The following PRKN variants were observed in gnomAD, a reference collection of about 807,000 sequenced individuals.
PRKN encodes parkin RBR E3 ubiquitin protein ligase, also known as E3 ubiquitin-protein ligase parkin.
PRKN carries 56 observed loss-of-function variants against 59.5 expected under a neutral mutation model. The observed-to-expected ratio is 0.94, with a 90% confidence interval of 0.76 to 1.18. The LOEUF (loss-of-function observed/expected upper bound fraction) is 1.18, where lower values mean the gene tolerates loss of function less well. Among genes scored for constraint, PRKN ranks in the 50% most tolerant of loss-of-function variants. The probability of loss-of-function intolerance (pLI) is 0.00; values close to 1 mark genes in which losing one functional copy is unlikely to be tolerated. For synonymous variants in PRKN, 250 were observed against 222.1 expected (o/e 1.13, Z -1.12); for missense variants, 657 against 596.4 (o/e 1.10, Z -1.06).
chr6:162,236,731 G>T (rs982205220), intron 3 of PRKN, among the ~76,000 whole-genome samples: 1 of 151,998 alleles, frequency 6.6e-6, no homozygotes, highest in Non-Finnish European at 1.5e-5. Flanking sequence ...GGACGCAGAG[G>T]TTGCAGTGAG....
At chr6:162,289,646 G>T (rs908731310) in intron 2 of PRKN, among the ~76,000 whole-genome samples, 2 of 150,322 alleles carry the variant, frequency 1.3e-5, no homozygotes, top group East Asian at 4.0e-4. Context: ...GCAGTGAGCC[G>T]AGATAACTCT....
intron 9 of PRKN, among the ~76,000 whole-genome samples, chr6:161,415,361 G>A (rs1787790908): frequency 6.6e-6 from 1 of 151,284 alleles, no homozygotes. Context: ...GTCAAATCTA[G>A]ATTTGAACAA....
chr6:161,806,842 T>G (rs187948386), intron 6 of PRKN, among the ~76,000 whole-genome samples: 2 of 152,284 alleles, frequency 1.3e-5, no homozygotes, highest in East Asian at 3.9e-4. Context: ...GAGAAATGTT[T>G]GATATTAAGC....
At chr6:161,845,785 TAA>T (rs1201719508) in intron 6 of PRKN, among the ~76,000 whole-genome samples, 1 of 152,134 alleles carries the variant, frequency 6.6e-6, no homozygotes, top group Admixed American at 6.6e-5. Flanking sequence ...GGGACATTTG[TAA>T]AAGAGACCCA....
At chr6:162,148,619 G>A (rs2128313036) in intron 4 of PRKN, among the ~76,000 whole-genome samples, 1 of 103,966 alleles carries the variant, frequency 9.6e-6, no homozygotes, top group South Asian at 3.4e-4. Context: ...CAAACAAACA[G>A]TGACCACATA....
At chr6:161,523,848 C>G (rs1011150976) in intron 9 of PRKN, among the ~76,000 whole-genome samples, 1 of 152,034 alleles carries the variant, frequency 6.6e-6, no homozygotes, top group South Asian at 2.1e-4. Context: ...AACACAGAAG[C>G]AAACCATTTT....
intron 1 of PRKN, among the ~76,000 whole-genome samples, chr6:162,617,166 C>A (rs147711247): frequency 3.2e-4 from 48 of 152,198 alleles, no homozygotes; most frequent in African/African-American, 1.1e-3. Flanking sequence ...ACCCTACTTA[C>A]CATTTTTTGT....
In PRKN at chr6:162,113,832, G is replaced by C. The variant is rs566326552; in HGVS notation, c.535-59658C>G. ...AGTAATGCCTAGGTTTTCTTCTAGG[G>C]TTTTTATGGTTTTAGGTCTAACGTT... On this transcript the variant is annotated intron_variant, in intron 4 of 11. Transcript: ENST00000366898. Among the ~76,000 whole-genome samples, 7 of 152,194 alleles carry C rather than the reference G, an allele frequency of 4.6e-5. No homozygotes were observed. In the South Asian group the frequency reaches 1.5e-3, roughly 32 times the overall value.
intron 9 of PRKN, among the ~76,000 whole-genome samples, chr6:161,522,193 T>C (rs1392850310): frequency 6.6e-6 from 1 of 152,152 alleles, no homozygotes; most frequent in Admixed American, 6.5e-5. Flanking sequence ...AATCCATTAA[T>C]AAAGTGTTTG....
At chr6:161,522,028 G>C (rs1778845379) in intron 9 of PRKN, among the ~76,000 whole-genome samples, 1 of 152,132 alleles carries the variant, frequency 6.6e-6, no homozygotes, top group African/African-American at 2.4e-5. Flanking sequence ...GGCTGGGAGG[G>C]GTGGCAGAAC....
intron 7 of PRKN, among the ~76,000 whole-genome samples, chr6:161,723,851 T>A (rs547202611): frequency 2.5e-4 from 38 of 152,234 alleles, no homozygotes; most frequent in African/African-American, 8.4e-4. Context: ...CTCAAGCTGG[T>A]TCAGCAGACC....
intron 6 of PRKN, among the ~76,000 whole-genome samples, chr6:161,848,407 T>C (rs954597763): frequency 2.0e-5 from 3 of 152,214 alleles, no homozygotes; most frequent in Non-Finnish European, 2.9e-5. Context: ...TTTCTTATCA[T>C]AGGGAAATCA....
chr6:162,597,586 T>C (rs1268780353), intron 1 of PRKN, among the ~76,000 whole-genome samples: 1 of 152,248 alleles, frequency 6.6e-6, no homozygotes, highest in African/African-American at 2.4e-5. Context: ...TACAGTTTTG[T>C]CTAATTGTTT....
intron 2 of PRKN, among the ~76,000 whole-genome samples, chr6:162,349,220 C>CA (rs1349937605): frequency 1.3e-5 from 2 of 149,650 alleles, no homozygotes; most frequent in African/African-American, 4.9e-5. Flanking sequence ...GTAATCCTAG[C>CA]ACTTTGTGAG....
At chr6:162,076,792 T>C (rs533024801) in intron 4 of PRKN, among the ~76,000 whole-genome samples, 1 of 152,318 alleles carries the variant, frequency 6.6e-6, no homozygotes, top group East Asian at 1.9e-4. Flanking sequence ...AAATTTGCTC[T>C]TGCAATGTAC....
rs147353479 is a variant in PRKN, at chr6:161,693,257, T to C, written c.871+92515A>G. Reference sequence around the variant, plus strand: ...AACATAGATCTCTTTGTTCGAAAGATAGATTTTTTCTGTCTTTTAATTTAT... The same window carrying C: ...AACATAGATCTCTTTGTTCGAAAGACAGATTTTTTCTGTCTTTTAATTTAT... On this transcript the variant is annotated intron_variant, in intron 7 of 11. Coordinates refer to ENST00000366898, the MANE Select transcript of PRKN (RefSeq NM_004562.3). Among the ~76,000 whole-genome samples, 258 of 152,318 alleles carry C rather than the reference T, an allele frequency of 1.7e-3. 6 individuals carry two copies. The East Asian group carries it at 0.032, about 19-fold the overall frequency.
At chr6:162,516,159 A>G (rs1336312914) in intron 1 of PRKN, among the ~76,000 whole-genome samples, 1 of 152,094 alleles carries the variant, frequency 6.6e-6, no homozygotes, top group Non-Finnish European at 1.5e-5. Flanking sequence ...TTCACAGCTG[A>G]TGACTGAATT....
chr6:162,176,343 G>A (rs2128321384), intron 4 of PRKN, among the ~76,000 whole-genome samples: 1 of 152,292 alleles, frequency 6.6e-6, no homozygotes, highest in South Asian at 2.1e-4. Flanking sequence ...AAAGAACTGT[G>A]CAGTCACTAG....
intron 2 of PRKN, among the ~76,000 whole-genome samples, chr6:162,284,620 C>T (rs9347611): frequency 0.071 from 10,786 of 152,188 alleles, 1,077 homozygotes; most frequent in East Asian, 0.5. Flanking sequence ...GAAGTTTGGG[C>T]AGTTTTTGAT....
Sources: allele counts gnomAD v4.1 joint callset (sites outside exome capture counted in the v4.1 genomes callset), GRCh38; gene constraint gnomAD v4.1.1; transcripts MANE v1.5; gene names NCBI Gene and HGNC (gene_info 2026-07-23, HGNC 2026-07-21).